Variants in XBP1 observed in about 807,000 individuals in gnomAD.
XBP1 encodes the protein X-box binding protein 1.
Under a neutral mutation model 34.6 loss-of-function variants are expected in XBP1, and 18 were observed. The ratio of observed to expected loss-of-function variants is 0.52; its 90% CI spans 0.36 to 0.77. The LOEUF (loss-of-function observed/expected upper bound fraction) is 0.77, where lower values mean the gene tolerates loss of function less well. XBP1 is among the 30% of genes least tolerant of loss of function. The probability of loss-of-function intolerance (pLI) is 0.00; values close to 1 mark genes in which losing one functional copy is unlikely to be tolerated. For synonymous variants in XBP1, 191 were observed against 193.4 expected, an observed-to-expected ratio of 0.99 and a Z score of 0.11; for missense variants, 422 against 464.6, an observed-to-expected ratio of 0.91 and a Z score of 0.84.
exon 6 of XBP1, chr22:28,795,194 G>A (rs1347037464): frequency 5.9e-6 from 9 of 1,519,032 alleles, no homozygotes; most frequent in Non-Finnish European, 6.2e-6. Flanking sequence ...AATCAGCTGG[G>A]GAAAGAGTTC....
In XBP1 at chr22:28,799,050, G is replaced by C. The variant is rs779231783; in HGVS notation, c.324+7C>G. 6.2e-7 allele frequency: 1 copy of C among 1,612,236 alleles called. No homozygotes were observed. The highest frequency in any genetic ancestry group is 8.5e-7 in the Non-Finnish European group (1 of 1,178,412). On this transcript the variant is annotated splice_region_variant and intron_variant, in intron 2 of 5. Transcript: ENST00000344347. Reference sequence around the variant, plus strand: ...GGATAAAAGAGTTTGACCTTAAGTAGTTTTACCTCTTCTTCTAAATCTACC... The same window carrying C: ...GGATAAAAGAGTTTGACCTTAAGTACTTTTACCTCTTCTTCTAAATCTACC...
Position 28,795,660 on chromosome 22 carries a change from C to T in XBP1, c.646G>A (p.Ala216Thr). The stretch of plus-strand genomic sequence containing the variant: ...ACCTCTGGGAGCTCCTCCAGGCTGG[C>T]AGGCTCTGGGGAAGGGCATTTGAAG... The change falls in exon 6 of 6, where the codon GCC becomes ACC. Residue 216 changes from alanine (A) to threonine (T), a missense_variant. By Grantham distance (58) the Ala-to-Thr change is moderately conservative. Transcript: ENST00000344347. 1 of 1,600,092 alleles carries T rather than the reference C, an allele frequency of 6.2e-7. No individual in the cohort carries two copies. Among genetic ancestry groups the T allele is most frequent in the Non-Finnish European group, 8.5e-7 (1 of 1,173,738 alleles).
chr22:28,796,274 A>C, intron 3 of XBP1, 82 bp from the exon 4 acceptor site: 1 of 1,353,284 alleles, frequency 7.4e-7, no homozygotes, highest in Non-Finnish European at 9.8e-7. Context: ...CTCAACTTTA[A>C]AGAATTACTT....
intron 1 of XBP1, chr22:28,799,941 C>T (rs190929252): frequency 1.3e-5 from 10 of 778,554 alleles, no homozygotes; most frequent in East Asian, 1.2e-4. Context: ...TAGCAGTAAA[C>T]CAAAACAGAT....
chr22:28,800,126 C>G, intron 1 of XBP1, 172 bp downstream of exon 1: 1 of 774,718 alleles, frequency 1.3e-6, no homozygotes. Context: ...CGGATCCGGT[C>G]AGTCCGGGCT....
At chr22:28,799,075 C>A (rs1228396632) in exon 2 of XBP1, 1 of 1,613,952 alleles carries the variant, frequency 6.2e-7, no homozygotes, top group Non-Finnish European at 8.5e-7. Context: ...CTAAATCTAC[C>A]ACTTGCTGTT....
intron 1 of XBP1, chr22:28,800,055 C>G (rs751922070): frequency 1.3e-6 from 1 of 773,150 alleles, no homozygotes; most frequent in South Asian, 1.4e-5. Context: ...CTGGTCATCT[C>G]TAACGAGAGA....
At chr22:28,796,073 C>T in exon 5 of XBP1, 2 of 1,614,148 alleles carry the variant, frequency 1.2e-6, no homozygotes, top group Non-Finnish European at 1.7e-6. Flanking sequence ...TCAATACCGC[C>T]AGAATCCATG....
At position 28,800,317 on chromosome 22, in the gene XBP1, C is replaced by A; in HGVS notation, c.208G>T (p.Glu70Ter). The change falls in exon 1 of 6, where the codon GAG (glutamate) becomes TAG (stop). Residue 70 changes from glutamate to a stop codon, truncating the protein, a stop_gained. Coordinates refer to ENST00000344347, the Ensembl canonical transcript of XBP1. LOFTEE classifies it high-confidence loss of function. ...GCCCACCTCCTCAGCGCCTTCTCCTCGGGGCTCAGGTGCGTGAGGCGCTGT... is the reference window on the plus strand; with the variant it reads ...GCCCACCTCCTCAGCGCCTTCTCCTAGGGGCTCAGGTGCGTGAGGCGCTGT... 6.4e-7 allele frequency: 1 copy of A among 1,556,920 alleles called. No homozygotes were observed. Among genetic ancestry groups the A allele is most frequent in the Admixed American group, 1.9e-5 (1 of 53,022 alleles).
At chr22:28,796,271 T>C in intron 3 of XBP1, 79 bp from the exon 4 acceptor site, 1 of 1,361,596 alleles carries the variant, frequency 7.3e-7, no homozygotes, top group Non-Finnish European at 9.7e-7. Flanking sequence ...ATTCTCAACT[T>C]TAAAGAATTA....
intron 2 of XBP1, 105 bp downstream of exon 2, chr22:28,798,952 A>G: frequency 4.6e-6 from 4 of 868,536 alleles, no homozygotes; most frequent in Non-Finnish European, 7.3e-6. Context: ...ATTCAATTGT[A>G]TTCTAATAGG....
chr22:28,796,060 G>A, exon 5 of XBP1: 2 of 1,614,188 alleles, frequency 1.2e-6, no homozygotes, highest in South Asian at 1.1e-5. Flanking sequence ...TGAATCTGAA[G>A]AGTCAATACC....
chr22:28,795,619 G>A, exon 6 of XBP1: 1 of 1,613,654 alleles, frequency 6.2e-7, no homozygotes, highest in Non-Finnish European at 8.5e-7. Context: ...GTAAGGAACT[G>A]GGTCCTTCTG....
At chr22:28,795,135 G>GT (rs2031720065), downstream of XBP1, 1 of 1,462,488 alleles carries the variant, frequency 6.8e-7, no homozygotes, top group Non-Finnish European at 9.1e-7. Context: ...TCCAGGCAGT[G>GT]TAATAGTCAA....
intron 3 of XBP1, 170 bp downstream of exon 3, chr22:28,796,907 G>T: frequency 1.4e-6 from 1 of 712,306 alleles, no homozygotes; most frequent in Non-Finnish European, 2.2e-6. Context: ...AAAAATGAGT[G>T]TCAAGTGCCT....
intron 3 of XBP1, 128 bp downstream of exon 3, chr22:28,796,949 T>C: frequency 4.9e-6 from 6 of 1,233,710 alleles, no homozygotes; most frequent in Middle Eastern, 2.5e-4. Flanking sequence ...TGCATGAAAA[T>C]GTCTTAAAAC....
rs550479255 is a variant in XBP1 at position 28,797,705 on chromosome 22, C to G, written c.325-500G>C. ...GCTGAAGCAGGGAGAATTGCTTGAA[C>G]CTGGGAGGCAGAGGTTGCAGTGAGC... On this transcript the variant is annotated intron_variant, in intron 2 of 5. Transcript: ENST00000344347. Among the ~76,000 whole-genome samples, 34 of 151,992 alleles carry G rather than the reference C, an allele frequency of 2.2e-4. No homozygotes were observed. The South Asian group carries it at 6.4e-3, about 29-fold the overall frequency.
At chr22:28,800,244 C>A (rs972092958) in intron 1 of XBP1, 54 bp downstream of exon 1, 1 of 1,535,004 alleles carries the variant, frequency 6.5e-7, no homozygotes, top group African/African-American at 1.4e-5. Flanking sequence ...TGCCCCTGCC[C>A]CTGTCCCTAG....
downstream of XBP1, chr22:28,794,582 T>C (rs1197470048): frequency 5.2e-5 from 8 of 152,434 alleles, no homozygotes; most frequent in East Asian, 1.3e-3. Flanking sequence ...TTTAATTGCA[T>C]GGGTAGTTTT....
Sources: gnomAD v4.1 joint callset for allele counts (sites outside exome capture counted in the v4.1 genomes callset) on GRCh38, gnomAD v4.1.1 for gene constraint, MANE v1.5 for transcripts, NCBI Gene and HGNC (gene_info 2026-07-23, HGNC 2026-07-21) for gene names.